METTL15: variants seen among roughly 807,000 people sequenced by gnomAD.
The protein encoded by METTL15 is methyltransferase 15, mitochondrial 12S rRNA N4-cytidine.
In METTL15, 34 loss-of-function variants were observed where a neutral mutation model predicts 38.3. The ratio of observed to expected loss-of-function variants is 0.89; its 90% CI spans 0.68 to 1.18. METTL15 has a LOEUF of 1.18. Ranked by LOEUF, METTL15 falls within the 50% of genes most tolerant of loss-of-function variation. The pLI is 0.00. For synonymous variants in METTL15, 162 were observed against 170.9 expected (o/e 0.95, Z 0.41); for missense variants, 438 against 498.4 (o/e 0.88, Z 1.15).
chr11:28,145,490 C>T (rs1590806878), intron 3 of METTL15: 1 of 151,940 alleles, frequency 6.6e-6, no homozygotes, highest in Non-Finnish European at 1.5e-5. Context: ...TGATTTCTCT[C>T]ACTGGATTCC....
At chr11:28,384,853 T>TA (rs1468991624) in intron 5 of METTL15, among the ~76,000 whole-genome samples, 4 of 152,166 alleles carry the variant, frequency 2.6e-5, no homozygotes, top group African/African-American at 9.7e-5. Flanking sequence ...TGAGAGATGT[T>TA]ATGTCATTGT....
intron 5 of METTL15, among the ~76,000 whole-genome samples, chr11:28,372,944 T>A (rs1386739875): frequency 1.3e-5 from 2 of 151,332 alleles, no homozygotes; most frequent in African/African-American, 2.4e-5. Flanking sequence ...ACAAAGGACA[T>A]GAACTCATCA....
chr11:28,235,876 T>C (rs1853937977), intron 4 of METTL15, among the ~76,000 whole-genome samples: 1 of 152,182 alleles, frequency 6.6e-6, no homozygotes, highest in African/African-American at 2.4e-5. Flanking sequence ...GGCATCCGTG[T>C]CTTGTGCCAG....
intron 6 of METTL15, among the ~76,000 whole-genome samples, chr11:28,303,710 A>AT (rs1856987396): frequency 1.3e-5 from 2 of 152,174 alleles, no homozygotes; most frequent in South Asian, 4.1e-4. Flanking sequence ...GGATACGTAC[A>AT]TTCCCAGCCA....
chr11:28,279,435 A>G (rs961355791), intron 4 of METTL15, among the ~76,000 whole-genome samples: 8 of 152,072 alleles, frequency 5.3e-5, no homozygotes, highest in Admixed American at 5.2e-4. Context: ...TCTACCCACC[A>G]TGTTTCTGTT....
intron 3 of METTL15, among the ~76,000 whole-genome samples, chr11:28,192,272 G>A (rs1291672523): frequency 6.6e-6 from 1 of 151,736 alleles, no homozygotes; most frequent in African/African-American, 2.4e-5. Context: ...AGTTTTCCAG[G>A]CTTTAAGTGA....
chr11:28,508,204 A>G (rs918613981), intron 6 of METTL15, among the ~76,000 whole-genome samples: 1 of 151,326 alleles, frequency 6.6e-6, no homozygotes. Context: ...CATAGCATTT[A>G]TTACCACATG....
At chr11:28,531,065 T>G (rs1851841003), downstream of METTL15, among the ~76,000 whole-genome samples, 1 of 151,986 alleles carries the variant, frequency 6.6e-6, no homozygotes, top group Non-Finnish European at 1.5e-5. Flanking sequence ...ATTGCTGCTT[T>G]CTAACTGCAT....
intron 3 of METTL15, among the ~76,000 whole-genome samples, chr11:28,128,948 A>T (rs1852621111): frequency 6.6e-6 from 1 of 152,128 alleles, no homozygotes; most frequent in African/African-American, 2.4e-5. Flanking sequence ...TTGTTAGGTT[A>T]ATTTATTCTA....
At chr11:28,167,903 C>T (rs1210316803) in intron 3 of METTL15, among the ~76,000 whole-genome samples, 1 of 151,766 alleles carries the variant, frequency 6.6e-6, no homozygotes, top group Non-Finnish European at 1.5e-5. Flanking sequence ...TAATATTTAG[C>T]CTTTGAAGTG....
chr11:28,445,144 G>A (rs1851064871), intron 6 of METTL15, among the ~76,000 whole-genome samples: 2 of 152,178 alleles, frequency 1.3e-5, no homozygotes, highest in Non-Finnish European at 2.9e-5. Context: ...GTGAGGAACA[G>A]ATGAGAAGGC....
intron 3 of METTL15, among the ~76,000 whole-genome samples, chr11:28,139,880 C>G (rs1418771296): frequency 1.3e-5 from 2 of 152,226 alleles, no homozygotes; most frequent in Non-Finnish European, 1.5e-5. Flanking sequence ...TCCTCTAGCT[C>G]TATGCAAATG....
chr11:28,463,720 A>G (rs1297488715), intron 6 of METTL15, among the ~76,000 whole-genome samples: 1 of 151,856 alleles, frequency 6.6e-6, no homozygotes, highest in Admixed American at 6.6e-5. Context: ...GTACCACAAA[A>G]GATGATTTCT....
At chr11:28,456,874 A>G (rs571238166) in intron 6 of METTL15, among the ~76,000 whole-genome samples, 1 of 152,366 alleles carries the variant, frequency 6.6e-6, no homozygotes, top group South Asian at 2.1e-4. Flanking sequence ...AGAAGCCTCC[A>G]GATGATTCTA....
rs1161622926 is a variant in METTL15 at position 28,283,541 on chromosome 11, G to GA, written c.408-6663dup. The stretch of plus-strand genomic sequence containing the variant: ...TGTTCAATTCTAATAAGTACACAGT[G>GA]AATGGTAGCTATTCTTGTATCACTC... On this transcript the variant is annotated intron_variant, in intron 4 of 6. Transcript: ENST00000407364. 2.6e-5 allele frequency among the ~76,000 whole-genome samples: 4 copies of GA among 152,258 alleles called. No homozygotes were observed. The East Asian group carries it at 7.7e-4, about 29-fold the overall frequency.
At chr11:28,292,628 C>A (rs1260184741) in intron 5 of METTL15, among the ~76,000 whole-genome samples, 1 of 152,072 alleles carries the variant, frequency 6.6e-6, no homozygotes, top group Admixed American at 6.6e-5. Context: ...CCTGAGGAAT[C>A]GCCACACTGA....
At chr11:28,464,265 T>G (rs1403515016) in intron 6 of METTL15, among the ~76,000 whole-genome samples, 1 of 152,172 alleles carries the variant, frequency 6.6e-6, no homozygotes, top group African/African-American at 2.4e-5. Context: ...ATATATCATA[T>G]GAATGGGAAG....
At chr11:28,456,441 G>GTTTGT (rs113916107) in intron 6 of METTL15, among the ~76,000 whole-genome samples, 139 of 151,696 alleles carry the variant, frequency 9.2e-4, no homozygotes, top group African/African-American at 2.8e-3. Flanking sequence ...TTGTTTGTTT[G>GTTTGT]TTTGTTTTGT....
chr11:28,377,100 C>T (rs1347513121), intron 5 of METTL15, among the ~76,000 whole-genome samples: 1 of 142,224 alleles, frequency 7.0e-6, no homozygotes, highest in Admixed American at 7.6e-5. Context: ...ACATTTTTTC[C>T]TTCATTTCAA....
Sources: gnomAD v4.1 joint callset for allele counts (sites outside exome capture counted in the v4.1 genomes callset) on GRCh38, gnomAD v4.1.1 for gene constraint, MANE v1.5 for transcripts, NCBI Gene and HGNC (gene_info 2026-07-23, HGNC 2026-07-21) for gene names.